Variants in BTBD9 observed in about 807,000 individuals in gnomAD.
BTBD9 encodes the protein BTB domain containing 9.
Under a neutral mutation model 64.3 loss-of-function variants are expected in BTBD9, and 49 were observed. The ratio of observed to expected loss-of-function variants is 0.76; its 90% CI spans 0.61 to 0.97. The LOEUF is 0.97. BTBD9 is among the 50% of genes least tolerant of loss of function. The probability of loss-of-function intolerance (pLI) is 0.00; values close to 1 mark genes in which losing one functional copy is unlikely to be tolerated. For synonymous variants in BTBD9, 260 were observed against 274.7 expected, an observed-to-expected ratio of 0.95 and a Z score of 0.53; for missense variants, 598 against 762.1, an observed-to-expected ratio of 0.78 and a Z score of 2.53.
At chr6:38,593,379 G>A (rs1205911462) in intron 3 of BTBD9, among the ~76,000 whole-genome samples, 1 of 152,114 alleles carries the variant, frequency 6.6e-6, no homozygotes, top group Non-Finnish European at 1.5e-5. Context: ...CTCAAATCAA[G>A]ATATGTAGCT....
At chr6:38,189,633 G>A (rs1476054756) in intron 10 of BTBD9, among the ~76,000 whole-genome samples, 2 of 151,666 alleles carry the variant, frequency 1.3e-5, no homozygotes. Context: ...TGGGACTATA[G>A]GTGCACACCA....
chr6:38,315,470 G>T (rs535323021), intron 7 of BTBD9, among the ~76,000 whole-genome samples: 9 of 146,690 alleles, frequency 6.1e-5, no homozygotes, highest in East Asian at 4.0e-4. Flanking sequence ...CACAGTTTTG[G>T]TTTTTTTTTT....
chr6:38,264,077 G>A (rs1309429359), intron 8 of BTBD9, among the ~76,000 whole-genome samples: 1 of 152,194 alleles, frequency 6.6e-6, no homozygotes, highest in African/African-American at 2.4e-5. Flanking sequence ...TAGAAACGGA[G>A]AGCGGTAAGA....
intron 6 of BTBD9, among the ~76,000 whole-genome samples, chr6:38,516,841 A>C (rs143647775): frequency 5.6e-4 from 86 of 152,364 alleles, no homozygotes; most frequent in African/African-American, 2.0e-3. Context: ...CAAAGACCAG[A>C]CCAATCAAGA....
At chr6:38,329,692 C>G (rs79932060) in intron 7 of BTBD9, among the ~76,000 whole-genome samples, 1 of 151,882 alleles carries the variant, frequency 6.6e-6, no homozygotes, top group African/African-American at 2.4e-5. Flanking sequence ...CAGTGGCTCA[C>G]GCATGTAATC....
chr6:38,368,491 T>C (rs953483951), intron 6 of BTBD9, among the ~76,000 whole-genome samples: 1 of 152,074 alleles, frequency 6.6e-6, no homozygotes, highest in African/African-American at 2.4e-5. Flanking sequence ...CCTGCCACTG[T>C]GCCTGGCTAA....
chr6:38,621,112 G>A (rs1777966715), intron 1 of BTBD9, among the ~76,000 whole-genome samples: 1 of 152,214 alleles, frequency 6.6e-6, no homozygotes, highest in Non-Finnish European at 1.5e-5. Flanking sequence ...ACAGGTAGCT[G>A]TGGTGGTGGC....
At chr6:38,238,953 C>T (rs1021922181) in intron 9 of BTBD9, among the ~76,000 whole-genome samples, 1 of 152,108 alleles carries the variant, frequency 6.6e-6, no homozygotes, top group African/African-American at 2.4e-5. Context: ...TCCATCATGG[C>T]CTGAACAAGT....
At chr6:38,626,908 A>C (rs920642855) in intron 1 of BTBD9, among the ~76,000 whole-genome samples, 1 of 151,984 alleles carries the variant, frequency 6.6e-6, no homozygotes, top group Admixed American at 6.6e-5. Flanking sequence ...TCCTTAAAAA[A>C]CTCATTTGGT....
intron 7 of BTBD9, among the ~76,000 whole-genome samples, chr6:38,309,460 G>A (rs1762747723): frequency 6.6e-6 from 1 of 151,128 alleles, no homozygotes; most frequent in Non-Finnish European, 1.5e-5. Flanking sequence ...ATCTCTCTCT[G>A]TTGCCAGGCT....
intron 6 of BTBD9, among the ~76,000 whole-genome samples, chr6:38,452,798 G>C (rs1169846892): frequency 6.6e-6 from 1 of 152,062 alleles, no homozygotes; most frequent in African/African-American, 2.4e-5. Flanking sequence ...ATATGACTTA[G>C]ATGTAGGAAG....
chr6:38,331,540 G>C (rs182874123), intron 7 of BTBD9, among the ~76,000 whole-genome samples: 2 of 152,286 alleles, frequency 1.3e-5, no homozygotes, highest in African/African-American at 4.8e-5. Flanking sequence ...GTAATAACTA[G>C]GCTAATGCAA....
At chr6:38,336,785 C>T (rs1369977801) in intron 7 of BTBD9, among the ~76,000 whole-genome samples, 3 of 152,120 alleles carry the variant, frequency 2.0e-5, no homozygotes, top group South Asian at 2.1e-4. Flanking sequence ...TGAAACTTCC[C>T]GATACATGAC....
chr6:38,210,548 G>GTT lies in BTBD9; in HGVS notation c.1563-17952_1563-17951insAA, dbSNP rs72250456. ...AGAGTGCGTGTGTTTGTGTGTGTGT[G>GTT]TGTGTGTGTGTGTGTGTGTGTGTGT... is the stretch of plus-strand genomic sequence containing the variant. On this transcript the variant is annotated intron_variant, in intron 9 of 10. Coordinates refer to ENST00000481247, the MANE Select transcript of BTBD9 (RefSeq NM_001099272.2). Among the ~76,000 whole-genome samples, 339 of 145,616 alleles carry GTT rather than the reference G, an allele frequency of 2.3e-3. 1 individual carries two copies. Among genetic ancestry groups the GTT allele is most frequent in the African/African-American group, 4.6e-3 (183 of 39,578 alleles).
intron 6 of BTBD9, among the ~76,000 whole-genome samples, chr6:38,356,597 T>C (rs1359219369): frequency 6.6e-6 from 1 of 152,124 alleles, no homozygotes; most frequent in African/African-American, 2.4e-5. Context: ...TTTTTTAAAG[T>C]TTCCATATCC....
chr6:38,613,863 C>A (rs1777700053), intron 1 of BTBD9, among the ~76,000 whole-genome samples: 1 of 152,134 alleles, frequency 6.6e-6, no homozygotes, highest in Non-Finnish European at 1.5e-5. Flanking sequence ...TTGTTAATCT[C>A]ATTTGTAAAT....
chr6:38,348,232 G>GA (rs1764365210), intron 6 of BTBD9, among the ~76,000 whole-genome samples: 1 of 152,146 alleles, frequency 6.6e-6, no homozygotes, highest in Admixed American at 6.5e-5. Context: ...TGCTTTTTCT[G>GA]AAAAACAAAA....
intron 1 of BTBD9, among the ~76,000 whole-genome samples, chr6:38,625,990 C>A (rs1414695799): frequency 1.3e-5 from 2 of 152,156 alleles, no homozygotes; most frequent in Non-Finnish European, 2.9e-5. Flanking sequence ...CACCTGAAGG[C>A]TACAGAGGAA....
chr6:38,382,413 C>CA (rs1246938923), intron 6 of BTBD9, among the ~76,000 whole-genome samples: 1 of 150,732 alleles, frequency 6.6e-6, no homozygotes, highest in Admixed American at 6.6e-5. Context: ...TTACAGAACA[C>CA]ATTTAAAGGC....
Sources: gnomAD v4.1 joint callset for allele counts (sites outside exome capture counted in the v4.1 genomes callset) on GRCh38, gnomAD v4.1.1 for gene constraint, MANE v1.5 for transcripts, NCBI Gene and HGNC (gene_info 2026-07-23, HGNC 2026-07-21) for gene names.